The following TBP variants were observed in gnomAD, a reference collection of about 807,000 sequenced individuals.
TBP encodes the protein TATA-box binding protein, also known as TATA-box-binding protein.
Under a neutral mutation model 46.2 loss-of-function variants are expected in TBP, and 12 were observed. The observed-to-expected ratio is 0.26, with a 90% CI of 0.17 to 0.42. The LOEUF is 0.42. Ranked by LOEUF, TBP falls within the 10% of genes least tolerant of loss-of-function variation. The pLI is 1.00. For synonymous variants in TBP, 157 were observed against 148.3 expected, an observed-to-expected ratio of 1.06 and a Z score of -0.42; for missense variants, 229 against 403.1, an observed-to-expected ratio of 0.57 and a Z score of 3.70.
At chr6:170,564,807 A>T (rs1779213408) in intron 4 of TBP, among the ~76,000 whole-genome samples, 175 bp downstream of exon 4, 1 of 151,230 alleles carries the variant, frequency 6.6e-6, no homozygotes, top group Non-Finnish European at 1.5e-5. Context: ...AATTTCTTGA[A>T]CCTAGGAGTT....
At chr6:170,567,824 A>G (rs2115000278) in intron 5 of TBP, among the ~76,000 whole-genome samples, 1 of 152,356 alleles carries the variant, frequency 6.6e-6, no homozygotes, top group East Asian at 1.9e-4. Context: ...TCCTGTCTGA[A>G]GGTTAGTACT....
At position 170,572,335 on chromosome 6, in the gene TBP, G is replaced by C; in HGVS notation, c.*70G>C. ...TTTTTAAACAAATCAGTTTGTTTTG[G>C]TACCTTTAAATGGTGGTGTTGTGAG... is the stretch of plus-strand genomic sequence containing the variant. On this transcript the variant is annotated 3_prime_UTR_variant, in exon 8 of 8. Coordinates refer to ENST00000392092, the MANE Select transcript of TBP (RefSeq NM_003194.5). 2 of 1,273,978 alleles carry C rather than the reference G, an allele frequency of 1.6e-6. No homozygotes were observed. The highest frequency in any genetic ancestry group is 1.3e-5 in the South Asian group (1 of 79,134). 78.9% of individuals were successfully genotyped at this position (1,273,978 alleles called of 1,614,324 possible).
In TBP at chr6:170,567,839, G is replaced by C. The variant is rs182876624; in HGVS notation, c.677+830G>C. 1.5e-3 allele frequency among the ~76,000 whole-genome samples: 221 copies of C among 152,248 alleles called. 3 individuals are homozygous for C. The highest frequency in any genetic ancestry group is 3.4e-3 in the Middle Eastern group (1 of 294). ...TCCTGTCTGAAGGTTAGTACTCTGCGGCCCTGACTGTTCTAAACAGAGCTT... is the reference window on the plus strand; with the variant it reads ...TCCTGTCTGAAGGTTAGTACTCTGCCGCCCTGACTGTTCTAAACAGAGCTT... On this transcript the variant is annotated intron_variant, in intron 5 of 7. Coordinates refer to ENST00000392092, the MANE Select transcript of TBP (RefSeq NM_003194.5).
Position 170,568,815 on chromosome 6 carries a change from C to CTTTTTTTTT in TBP, c.678-778_678-770dup, listed in dbSNP as rs377394208. ...TTCTCTTCTTTCTTTCTTTCCTTTT[C>CTTTTTTTTT]TTTTTTTTTTTTTTTTTTTTTTTTT... On this transcript the variant is annotated intron_variant, in intron 5 of 7. Coordinates refer to ENST00000392092, the MANE Select transcript of TBP (RefSeq NM_003194.5). Among the ~76,000 whole-genome samples the CTTTTTTTTT allele has an allele frequency of 4.7e-3, 296 of 62,598 alleles. 88 individuals are homozygous for CTTTTTTTTT. Among genetic ancestry groups the CTTTTTTTTT allele is most frequent in the African/African-American group, 8.0e-3 (119 of 14,818 alleles). The allele number at this position is 62,598 out of a possible 152,430, so 41.1% of individuals were successfully genotyped here.
chr6:170,571,234 C>T (rs1316777235), intron 6 of TBP, among the ~76,000 whole-genome samples, 176 bp from the exon 7 acceptor site: 2 of 152,212 alleles, frequency 1.3e-5, no homozygotes, highest in Admixed American at 1.3e-4. Flanking sequence ...CTGACGACTA[C>T]AAGTCGGCCT....
rs1562360770 is a variant in TBP at position 170,564,642 on chromosome 6, AT to A, written c.585+14del. The A allele has an allele frequency of 1.3e-6, 2 of 1,569,248 alleles. No individual in the cohort carries two copies. The highest frequency in any genetic ancestry group is 1.7e-6 in the Non-Finnish European group (2 of 1,152,382). ...CGAATATAATCCCAAGGTTAGATCT[AT>A]TTTAATGTATTTCTTTTTTTTTTCT... On this transcript the variant is annotated intron_variant, in intron 4 of 7. Transcript: ENST00000392092.
chr6:170,559,944 G>T (rs1779110823), intron 2 of TBP, among the ~76,000 whole-genome samples: 1 of 152,178 alleles, frequency 6.6e-6, no homozygotes, highest in South Asian at 2.1e-4. Flanking sequence ...TACTCTGCCT[G>T]TCCTCAGTAA....
At chr6:170,571,572 T>C in intron 7 of TBP, 68 bp downstream of exon 7, 2 of 1,244,532 alleles carry the variant, frequency 1.6e-6, no homozygotes, top group Non-Finnish European at 2.3e-6. Context: ...TTCTCAGTGC[T>C]GAAAAGAAAT....
At chr6:170,564,839 G>A (rs1229310990) in intron 4 of TBP, among the ~76,000 whole-genome samples, 1 of 150,612 alleles carries the variant, frequency 6.6e-6, no homozygotes, top group Non-Finnish European at 1.5e-5. Context: ...CAGGCAACAT[G>A]GCAAGACCCT....
rs35269766 is a variant in TBP at position 170,557,735 on chromosome 6, C to CAAAAA, written c.54+673_54+677dup. Among the ~76,000 whole-genome samples, 51 of 51,954 alleles carry CAAAAA rather than the reference C, an allele frequency of 9.8e-4. 1 individual carries two copies. Among genetic ancestry groups the CAAAAA allele is most frequent in the Non-Finnish European group, 1.4e-3 (41 of 28,454 alleles). The allele number at this position is 51,954 out of a possible 152,430, so 34.1% of individuals were successfully genotyped here. A position where few individuals can be genotyped will look rare whatever the true frequency, so the allele number is the denominator to read the frequency against. On this transcript the variant is annotated intron_variant, in intron 2 of 7. Coordinates refer to ENST00000392092, the MANE Select transcript of TBP (RefSeq NM_003194.5). ...TGGGAGACAGAGCGAGACTCTGTCT[C>CAAAAA]AAAAAAAAAAAAAAAAAAAAAAAAA...
At position 170,561,928 on chromosome 6, in the gene TBP, G is replaced by A. The variant is rs542031948; in HGVS notation, c.192G>A (p.Gln64=). The change falls in exon 3 of 8, where the codon CAG becomes CAA. Residue 64 remains glutamine (Q), a synonymous_variant. Transcript: ENST00000392092. ...AAAGGCAGCAGCAGCAACAACAACA[G>A]CAGCAGCAGCAGCAGCAGCAGCAAC... The part of the protein sequence containing the change: ...EQQRQQQQQQ[Q]QQQQQQQQQQ... 1.1e-5 allele frequency: 13 copies of A among 1,189,964 alleles called. No homozygotes were observed. The highest frequency in any genetic ancestry group is 4.6e-4 in the Middle Eastern group (2 of 4,346). The allele number at this position is 1,189,964 out of a possible 1,614,324, so 73.7% of individuals were successfully genotyped here. A position where few individuals can be genotyped will look rare whatever the true frequency, so the allele number is the denominator to read the frequency against.
intron 1 of TBP, among the ~76,000 whole-genome samples, chr6:170,556,316 G>A (rs1054950240): frequency 5.3e-5 from 8 of 151,812 alleles, no homozygotes; most frequent in Non-Finnish European, 1.0e-4. Context: ...GTTCTAAAGA[G>A]GTAAGGTTAT....
intron 4 of TBP, 143 bp from the exon 5 acceptor site, chr6:170,566,775 C>A: frequency 1.7e-6 from 1 of 572,990 alleles, no homozygotes; most frequent in Non-Finnish European, 3.1e-6. Flanking sequence ...TACAGATATA[C>A]AGAAATACAG....
intron 2 of TBP, among the ~76,000 whole-genome samples, chr6:170,558,563 G>A (rs1562358199): frequency 6.6e-6 from 1 of 151,984 alleles, no homozygotes; most frequent in African/African-American, 2.4e-5. Flanking sequence ...CAGCAAGTCT[G>A]TTGGCATTAT....
intron 2 of TBP, 24 bp downstream of exon 2, chr6:170,557,107 T>C (rs1447229199): frequency 1.2e-6 from 2 of 1,608,512 alleles, no homozygotes; most frequent in South Asian, 1.1e-5. Context: ...AGGGAGAGAA[T>C]AGGGAGGGCG....
intron 6 of TBP, among the ~76,000 whole-genome samples, chr6:170,570,345 G>A (rs563772034): frequency 6.6e-6 from 1 of 152,226 alleles, no homozygotes; most frequent in Non-Finnish European, 1.5e-5. Flanking sequence ...CTTTGCACTT[G>A]CCACTTTTAT....
At chr6:170,562,985 C>T (rs142914329) in intron 3 of TBP, among the ~76,000 whole-genome samples, 5 of 152,214 alleles carry the variant, frequency 3.3e-5, no homozygotes, top group African/African-American at 4.8e-5. Flanking sequence ...CACCTTGTTA[C>T]ATATATGGTT....
At chr6:170,560,833 G>A (rs1298208533) in intron 2 of TBP, among the ~76,000 whole-genome samples, 1 of 152,200 alleles carries the variant, frequency 6.6e-6, no homozygotes, top group Non-Finnish European at 1.5e-5. Context: ...AGCAAAGAAA[G>A]TGGTTTCTTG....
chr6:170,561,226 T>A lies in TBP; in HGVS notation c.55-565T>A, dbSNP rs1254399545. Among the ~76,000 whole-genome samples, 4 of 152,222 alleles carry A rather than the reference T, an allele frequency of 2.6e-5. No homozygotes were observed. The East Asian group carries it at 5.8e-4, about 22-fold the overall frequency. On this transcript the variant is annotated intron_variant, in intron 2 of 7. Coordinates refer to ENST00000392092, the MANE Select transcript of TBP (RefSeq NM_003194.5). ...ATATACATATTATTAGACATAATGC[T>A]ATTGCACACTTAATAGACTTTAGTG...
Sources: allele counts gnomAD v4.1 joint callset (sites outside exome capture counted in the v4.1 genomes callset), GRCh38; gene constraint gnomAD v4.1.1; transcripts MANE v1.5; gene names NCBI Gene and HGNC (gene_info 2026-07-23, HGNC 2026-07-21).